The following NFIA variants were observed in gnomAD, a reference collection of about 807,000 sequenced individuals.
NFIA encodes nuclear factor I A.
A neutral mutation model predicts 62.8 loss-of-function variants in NFIA; 8 were observed. The observed-to-expected ratio is 0.13, with a 90% CI of 0.07 to 0.23. NFIA has a LOEUF of 0.23. NFIA is among the 10% of genes least tolerant of loss of function. NFIA has a pLI of 1.00. For synonymous variants in NFIA, 235 were observed against 238.1 expected (o/e 0.99, Z 0.12); for missense variants, 410 against 642.1 (o/e 0.64, Z 3.91).
chr1:61,447,694 A>G (rs1667873528), intron 10 of NFIA, among the ~76,000 whole-genome samples: 1 of 152,228 alleles, frequency 6.6e-6, no homozygotes, highest in Non-Finnish European at 1.5e-5. Context: ...TTTAATGGAT[A>G]GAATCTATTT....
chr1:61,248,023 A>G (rs1404511572), intron 2 of NFIA, among the ~76,000 whole-genome samples: 4 of 152,162 alleles, frequency 2.6e-5, no homozygotes, highest in African/African-American at 9.7e-5. Context: ...GTTCTTGTAC[A>G]TGTGTGCGGT....
At chr1:61,130,429 G>A (rs540658910) in intron 2 of NFIA, among the ~76,000 whole-genome samples, 4 of 152,176 alleles carry the variant, frequency 2.6e-5, no homozygotes, top group African/African-American at 4.8e-5. Context: ...GAGAGAAGTT[G>A]GTACTTGTAC....
intron 2 of NFIA, among the ~76,000 whole-genome samples, chr1:61,212,339 G>C (rs1036471648): frequency 1.3e-5 from 2 of 152,140 alleles, no homozygotes; most frequent in African/African-American, 4.8e-5. Context: ...TCCAAGGACA[G>C]TGTAATATTA....
At chr1:61,265,606 T>G (rs1298872826) in intron 2 of NFIA, among the ~76,000 whole-genome samples, 1 of 152,200 alleles carries the variant, frequency 6.6e-6, no homozygotes, top group East Asian at 1.9e-4. Flanking sequence ...ACAGAAAAGT[T>G]ATTGTCAATG....
rs891964213 is a variant in NFIA, at chr1:61,455,584, G to A, written c.*264G>A. The A allele has an allele frequency of 1.5e-5, 8 of 543,022 alleles. No homozygotes were observed. The African/African-American group carries it at 1.6e-4, about 11-fold the overall frequency. The allele number at this position is 543,022 out of a possible 1,614,324, so 33.6% of individuals were successfully genotyped here. A position where few individuals can be genotyped will look rare whatever the true frequency, so the allele number is the denominator to read the frequency against. ...ATGGTGCTGGAAATGGTTGGGCTTT[G>A]TAACATTTGAAGTGTTTCCATGGTA... On this transcript the variant is annotated 3_prime_UTR_variant, in exon 11 of 11. Coordinates refer to ENST00000403491, the MANE Select transcript of NFIA (RefSeq NM_001134673.4).
At chr1:61,243,748 A>T (rs1300989016) in intron 2 of NFIA, among the ~76,000 whole-genome samples, 1 of 152,242 alleles carries the variant, frequency 6.6e-6, no homozygotes, top group Non-Finnish European at 1.5e-5. Context: ...AATGCCAATC[A>T]GGCAGTGTTT....
intron 9 of NFIA, among the ~76,000 whole-genome samples, chr1:61,414,005 CAG>C (rs1666234990): frequency 7.0e-6 from 1 of 143,340 alleles, no homozygotes; most frequent in Non-Finnish European, 1.5e-5. Context: ...CTTTCTGCAA[CAG>C]AGTCTTGTTC....
chr1:61,324,622 C>T (rs538934525), intron 3 of NFIA, among the ~76,000 whole-genome samples: 1 of 152,272 alleles, frequency 6.6e-6, no homozygotes, highest in South Asian at 2.1e-4. Context: ...GGTTTGTTCC[C>T]AGGTGTCTCT....
chr1:61,277,902 A>G (rs1183072957), intron 3 of NFIA, among the ~76,000 whole-genome samples: 1 of 152,138 alleles, frequency 6.6e-6, no homozygotes, highest in African/African-American at 2.4e-5. Flanking sequence ...TTTTAATAGC[A>G]TTAAGTGAGG....
chr1:61,374,689 C>G (rs1224110165), intron 6 of NFIA, among the ~76,000 whole-genome samples: 2 of 152,072 alleles, frequency 1.3e-5, no homozygotes, highest in Non-Finnish European at 2.9e-5. Flanking sequence ...CACTGATGTC[C>G]CCAAGCCATT....
intron 2 of NFIA, among the ~76,000 whole-genome samples, chr1:61,122,301 A>T (rs140350611): frequency 4.8e-4 from 73 of 152,348 alleles, no homozygotes; most frequent in African/African-American, 1.7e-3. Context: ...ATCCGGTATT[A>T]TAAACTGGTA....
intron 9 of NFIA, among the ~76,000 whole-genome samples, chr1:61,409,895 G>A (rs751998286): frequency 1.3e-5 from 2 of 152,200 alleles, no homozygotes; most frequent in African/African-American, 2.4e-5. Flanking sequence ...CAGGTGAGAG[G>A]GTGGAGAGAA....
chr1:61,365,881 A>C (rs921347401), intron 6 of NFIA, among the ~76,000 whole-genome samples: 13 of 152,214 alleles, frequency 8.5e-5, no homozygotes, highest in African/African-American at 3.1e-4. Context: ...TTACTGAGGC[A>C]GCCAGGCTTA....
At chr1:61,329,049 C>CT (rs369972455) in intron 3 of NFIA, among the ~76,000 whole-genome samples, 8,074 of 122,422 alleles carry the variant, frequency 0.066, 345 homozygotes, top group Middle Eastern at 0.093. Flanking sequence ...TTCTTTTTTT[C>CT]TTTTTTTTTT....
intron 2 of NFIA, among the ~76,000 whole-genome samples, chr1:61,189,839 G>A (rs994178190): frequency 1.2e-4 from 18 of 152,108 alleles, no homozygotes; most frequent in Non-Finnish European, 2.4e-4. Context: ...AGGGCTAGGC[G>A]TGTTGAATCC....
chr1:61,286,351 C>A (rs1181390075), intron 3 of NFIA, among the ~76,000 whole-genome samples: 1 of 149,716 alleles, frequency 6.7e-6, no homozygotes. Flanking sequence ...TGGCATGAAC[C>A]TGGGAGGCAG....
At chr1:61,394,050 C>G (rs568851633) in intron 7 of NFIA, among the ~76,000 whole-genome samples, 1 of 152,308 alleles carries the variant, frequency 6.6e-6, no homozygotes, top group African/African-American at 2.4e-5. Flanking sequence ...GTCTAGCATG[C>G]TGTTTGGCAC....
intron 6 of NFIA, among the ~76,000 whole-genome samples, chr1:61,361,504 A>G (rs1458913947): frequency 1.3e-5 from 2 of 148,522 alleles, no homozygotes; most frequent in South Asian, 2.2e-4. Context: ...TTTTGTGCAT[A>G]TTGAAGCTGC....
At chr1:61,391,063 T>A (rs1021813160) in intron 7 of NFIA, among the ~76,000 whole-genome samples, 4 of 152,112 alleles carry the variant, frequency 2.6e-5, no homozygotes, top group Non-Finnish European at 1.5e-5. Context: ...TTTGTTTGTT[T>A]GTTTGTTTGT....
Sources: gnomAD v4.1 joint callset for allele counts (sites outside exome capture counted in the v4.1 genomes callset) on GRCh38, gnomAD v4.1.1 for gene constraint, MANE v1.5 for transcripts, NCBI Gene and HGNC (gene_info 2026-07-23, HGNC 2026-07-21) for gene names.